GRIK5: variants seen among roughly 807,000 people sequenced by gnomAD.
GRIK5 encodes glutamate receptor ionotropic, kainate 5.
Under a neutral mutation model 97.4 loss-of-function variants are expected in GRIK5, and 43 were observed. That is an observed-to-expected ratio of 0.44 (90% CI 0.35 to 0.57). The LOEUF is 0.57. GRIK5 is among the 20% of genes least tolerant of loss of function. The probability of loss-of-function intolerance (pLI) is 0.01; values close to 1 mark genes in which losing one functional copy is unlikely to be tolerated. For synonymous variants in GRIK5, 580 were observed against 583.5 expected (o/e 0.99, Z 0.09); for missense variants, 1,015 against 1,382.0 (o/e 0.73, Z 4.21).
chr19:42,024,402 G>A (rs767282795), intron 12 of GRIK5, among the ~76,000 whole-genome samples: 1 of 151,866 alleles, frequency 6.6e-6, no homozygotes, highest in African/African-American at 2.4e-5. Context: ...TTGTAGAGAC[G>A]GGGTTTCACC....
chr19:42,066,181 C>A (rs886152431), intron 1 of GRIK5, among the ~76,000 whole-genome samples: 2 of 152,020 alleles, frequency 1.3e-5, no homozygotes, highest in African/African-American at 4.8e-5. Flanking sequence ...GAAGTGCCAC[C>A]CCCCACCCAG....
intron 12 of GRIK5, among the ~76,000 whole-genome samples, chr19:42,040,114 G>A (rs893925512): frequency 2.9e-4 from 44 of 152,104 alleles, no homozygotes; most frequent in African/African-American, 9.9e-4. Flanking sequence ...TTTTACAGTT[G>A]AACAAACTAC....
rs2075441799 is a variant in GRIK5, at chr19:42,003,006, G to A, written c.2514+326C>T. Among the ~76,000 whole-genome samples, 1 of 152,098 alleles carries A rather than the reference G, an allele frequency of 6.6e-6. No individual in the cohort carries two copies. The highest frequency in any genetic ancestry group is 1.5e-5 in the Non-Finnish European group (1 of 68,010). ...CAGCCTCGGCCTCCCAAAGTGCTGGGATTACAGGTGTGAGCCACTGCACTT... is the reference window on the plus strand; with the variant it reads ...CAGCCTCGGCCTCCCAAAGTGCTGGAATTACAGGTGTGAGCCACTGCACTT... On this transcript the variant is annotated intron_variant, in intron 19 of 19. Transcript: ENST00000593562. This position sits in a 1 kb window ranked among gnomAD's most constrained non-coding sequence, Gnocchi z 4.2.
chr19:42,010,445 A>G (rs1183519845), intron 15 of GRIK5, among the ~76,000 whole-genome samples: 1 of 152,240 alleles, frequency 6.6e-6, no homozygotes, highest in Non-Finnish European at 1.5e-5. Context: ...AACATATTAC[A>G]TTCAGAGAAT....
At chr19:42,024,555 G>A (rs1317568954) in intron 12 of GRIK5, among the ~76,000 whole-genome samples, 4 of 152,100 alleles carry the variant, frequency 2.6e-5, no homozygotes, top group African/African-American at 4.8e-5. Flanking sequence ...GCCTTACTCA[G>A]GTGCTTGGTA....
intron 15 of GRIK5, among the ~76,000 whole-genome samples, chr19:42,011,475 C>T (rs555708122): frequency 1.3e-5 from 2 of 151,602 alleles, no homozygotes; most frequent in South Asian, 2.1e-4. Context: ...ATGGCATGAA[C>T]CCGGGAGGCG....
chr19:42,070,112 C>T lies in GRIK5; in HGVS notation c.-922G>A, dbSNP rs1203305557. Among the ~76,000 whole-genome samples, 9 of 152,144 alleles carry T rather than the reference C, an allele frequency of 5.9e-5. No individual in the cohort carries two copies. Among genetic ancestry groups the T allele is most frequent in the Non-Finnish European group, 1.3e-4 (9 of 68,012 alleles). On this transcript the variant is annotated 5_prime_UTR_variant, in exon 1 of 20. Coordinates refer to ENST00000593562, the MANE Select transcript of GRIK5 (RefSeq NM_002088.5). ...GGCTCCAGTCCCCGGCTGGGCCTGC[C>T]TCCCTGCCGCTGGCTGCCGCCACCG...
intron 15 of GRIK5, among the ~76,000 whole-genome samples, chr19:42,013,643 C>T (rs1316545850): frequency 6.6e-6 from 1 of 152,094 alleles, no homozygotes; most frequent in Non-Finnish European, 1.5e-5. Context: ...ATCCTCTGAC[C>T]TCGTGATCCG....
chr19:42,013,034 A>G (rs567032133), intron 15 of GRIK5, among the ~76,000 whole-genome samples: 21 of 152,282 alleles, frequency 1.4e-4, no homozygotes, highest in African/African-American at 5.1e-4. Context: ...AGCTGGAACA[A>G]AGACCATATG....
intron 11 of GRIK5, among the ~76,000 whole-genome samples, chr19:42,047,440 A>T (rs567958322): frequency 8.5e-5 from 13 of 152,234 alleles, no homozygotes; most frequent in Admixed American, 7.8e-4. Flanking sequence ...GTAATCCTAA[A>T]GAAGAAAAGC....
intron 19 of GRIK5, chr19:42,001,918 G>C: frequency 1.7e-6 from 1 of 574,460 alleles, no homozygotes; most frequent in East Asian, 2.8e-5. Context: ...ACCGAGAAGA[G>C]AAGCAGTCTA....
Position 41,998,778 on chromosome 19 carries a change from T to A in GRIK5, c.*93A>T. On this transcript the variant is annotated 3_prime_UTR_variant, in exon 20 of 20. Transcript: ENST00000593562. ...CCGGGGCGCCGGCGCACAAGTCCTG[T>A]CCCGCGCCCGCTGCGGGAGCGGAGA... 1.6e-6 allele frequency: 1 copy of A among 614,160 alleles called. No homozygotes were observed. The highest frequency in any genetic ancestry group is 2.1e-6 in the Non-Finnish European group (1 of 478,526). The allele number at this position is 614,160 out of a possible 1,614,324, so 38.0% of individuals were successfully genotyped here. A position where few individuals can be genotyped will look rare whatever the true frequency, so the allele number is the denominator to read the frequency against.
intron 5 of GRIK5, among the ~76,000 whole-genome samples, chr19:42,061,756 C>T (rs145784349): frequency 3.6e-3 from 548 of 152,324 alleles, no homozygotes; most frequent in Non-Finnish European, 6.4e-3. Context: ...AGACCAGTGT[C>T]GCCTCTCCCC....
chr19:42,018,149 T>TAAA (rs11452086), intron 15 of GRIK5, among the ~76,000 whole-genome samples: 23 of 62,792 alleles, frequency 3.7e-4, no homozygotes, highest in South Asian at 3.4e-3. Flanking sequence ...CCATCTCTAC[T>TAAA]AAAAAAAAAA....
intron 1 of GRIK5, chr19:42,068,797 C>T (rs1219798940): frequency 1.7e-6 from 1 of 579,454 alleles, no homozygotes; most frequent in South Asian, 2.0e-5. Flanking sequence ...AATGGGGGCT[C>T]AAAAGCGGAA....
At chr19:42,047,035 G>A (rs1349775630) in intron 11 of GRIK5, among the ~76,000 whole-genome samples, 2 of 151,770 alleles carry the variant, frequency 1.3e-5, no homozygotes, top group Admixed American at 6.6e-5. Flanking sequence ...CCACAGGTGC[G>A]AGCCACTAAG....
At chr19:42,058,585 T>C (rs2146162430) in intron 6 of GRIK5, among the ~76,000 whole-genome samples, 1 of 149,744 alleles carries the variant, frequency 6.7e-6, no homozygotes, top group South Asian at 2.1e-4. Context: ...TCCAGCACTT[T>C]GGGAGGCTGA....
intron 11 of GRIK5, among the ~76,000 whole-genome samples, chr19:42,049,046 A>T (rs28836244): frequency 6.6e-6 from 1 of 152,140 alleles, no homozygotes. Flanking sequence ...CTCTCAAAAA[A>T]CAAAAACAAA....
chr19:42,031,904 G>A (rs2075845246), intron 12 of GRIK5, among the ~76,000 whole-genome samples: 2 of 152,120 alleles, frequency 1.3e-5, no homozygotes, highest in Non-Finnish European at 2.9e-5. Context: ...AGGCCAAAAT[G>A]GGTGAACCAC....
Sources: allele counts gnomAD v4.1 joint callset (sites outside exome capture counted in the v4.1 genomes callset), GRCh38; gene constraint gnomAD v4.1.1; non-coding constraint Gnocchi (gnomAD v3.1); transcripts MANE v1.5; gene names NCBI Gene and HGNC (gene_info 2026-07-23, HGNC 2026-07-21).